Variants in ST8SIA2 observed in about 807,000 individuals in gnomAD.
The protein encoded by ST8SIA2 is ST8 alpha-N-acetyl-neuraminide alpha-2,8-sialyltransferase 2.
A neutral mutation model predicts 37.6 loss-of-function variants in ST8SIA2; 22 were observed. The observed-to-expected ratio is 0.58, with a 90% CI of 0.42 to 0.83. The LOEUF (loss-of-function observed/expected upper bound fraction) is 0.83. Among genes scored for constraint, ST8SIA2 ranks in the 40% least tolerant of loss-of-function variants. ST8SIA2 has a pLI of 0.00. For synonymous variants in ST8SIA2, 205 were observed against 201.2 expected (o/e 1.02, Z -0.16); for missense variants, 382 against 484.7 (o/e 0.79, Z 1.99).
At chr15:92,424,530 C>A (rs922458994) in intron 1 of ST8SIA2, among the ~76,000 whole-genome samples, 12 of 151,992 alleles carry the variant, frequency 7.9e-5, no homozygotes, top group Non-Finnish European at 1.6e-4. Context: ...TTTTAACATA[C>A]CATTTTTATT....
At chr15:92,454,945 G>A (rs1052115238) in intron 5 of ST8SIA2, among the ~76,000 whole-genome samples, 1 of 152,056 alleles carries the variant, frequency 6.6e-6, no homozygotes, top group Non-Finnish European at 1.5e-5. Context: ...CCTGGGTGCA[G>A]ACAAGGCCTG....
At chr15:92,435,315 G>T (rs965423463) in intron 3 of ST8SIA2, among the ~76,000 whole-genome samples, 1 of 152,190 alleles carries the variant, frequency 6.6e-6, no homozygotes, top group African/African-American at 2.4e-5. Context: ...GGAAAGGCTG[G>T]CCAGGAGCAG....
At chr15:92,427,375 T>G (rs911567690) in intron 1 of ST8SIA2, among the ~76,000 whole-genome samples, 1 of 151,956 alleles carries the variant, frequency 6.6e-6, no homozygotes, top group Non-Finnish European at 1.5e-5. Context: ...AAATATAATA[T>G]TACTCAAAAT....
At chr15:92,428,827 C>G (rs2049694856) in intron 1 of ST8SIA2, among the ~76,000 whole-genome samples, 1 of 152,100 alleles carries the variant, frequency 6.6e-6, no homozygotes, top group African/African-American at 2.4e-5. Context: ...GTCATAATAC[C>G]CTTTCTGTTG....
chr15:92,450,138 C>T (rs527933530), intron 5 of ST8SIA2, among the ~76,000 whole-genome samples: 1 of 152,252 alleles, frequency 6.6e-6, no homozygotes, highest in Admixed American at 6.5e-5. Context: ...ATTTGTGCAT[C>T]AAAGGACAAT....
intron 5 of ST8SIA2, among the ~76,000 whole-genome samples, chr15:92,449,158 C>T (rs573666784): frequency 3.9e-5 from 6 of 152,294 alleles, no homozygotes; most frequent in African/African-American, 1.4e-4. Flanking sequence ...AACCCTTTCC[C>T]CATTCCCTTC....
intron 5 of ST8SIA2, chr15:92,445,221 G>A (rs113366778): frequency 3.1e-5 from 16 of 513,392 alleles, no homozygotes; most frequent in Middle Eastern, 5.3e-4. Context: ...GGGAACAGAC[G>A]CCATGAACAT....
At chr15:92,450,665 A>G (rs965234298) in intron 5 of ST8SIA2, among the ~76,000 whole-genome samples, 1 of 152,236 alleles carries the variant, frequency 6.6e-6, no homozygotes, top group African/African-American at 2.4e-5. Flanking sequence ...GACAGTATCC[A>G]CCGCATGGTG....
chr15:92,417,145 G>A (rs1032206631), intron 1 of ST8SIA2, among the ~76,000 whole-genome samples: 5 of 152,156 alleles, frequency 3.3e-5, no homozygotes, highest in African/African-American at 1.2e-4. Context: ...TGACAGAGGA[G>A]GACATCAAAA....
intron 1 of ST8SIA2, among the ~76,000 whole-genome samples, chr15:92,404,219 T>C (rs2049491272): frequency 6.6e-6 from 1 of 152,186 alleles, no homozygotes; most frequent in African/African-American, 2.4e-5. Flanking sequence ...ATTCAGGACA[T>C]TGGGCCAGAC....
At chr15:92,417,134 T>C (rs969169701) in intron 1 of ST8SIA2, among the ~76,000 whole-genome samples, 65 of 152,266 alleles carry the variant, frequency 4.3e-4, no homozygotes, top group African/African-American at 1.5e-3. Context: ...GGAACCCCAA[T>C]TGACAGAGGA....
chr15:92,419,016 A>G (rs2049610609), intron 1 of ST8SIA2, among the ~76,000 whole-genome samples: 1 of 152,048 alleles, frequency 6.6e-6, no homozygotes, highest in Admixed American at 6.5e-5. Context: ...GGGGTGCCCA[A>G]GGGGACATTT....
At chr15:92,408,281 G>C (rs1327567503) in intron 1 of ST8SIA2, among the ~76,000 whole-genome samples, 1 of 151,740 alleles carries the variant, frequency 6.6e-6, no homozygotes, top group African/African-American at 2.4e-5. Flanking sequence ...AACACCACTA[G>C]ATTAGACCCT....
At chr15:92,410,188 A>G (rs2141809190) in intron 1 of ST8SIA2, among the ~76,000 whole-genome samples, 1 of 152,372 alleles carries the variant, frequency 6.6e-6, no homozygotes, top group Middle Eastern at 3.4e-3. Context: ...TTTCCTGTGC[A>G]GTGGAGTTCA....
intron 1 of ST8SIA2, among the ~76,000 whole-genome samples, chr15:92,419,918 T>C (rs1169712009): frequency 6.6e-6 from 1 of 152,188 alleles, no homozygotes; most frequent in Non-Finnish European, 1.5e-5. Context: ...CAGGCTGGAG[T>C]GCAGTGGCGC....
chr15:92,450,350 C>T (rs537736271), intron 5 of ST8SIA2, among the ~76,000 whole-genome samples: 2 of 152,338 alleles, frequency 1.3e-5, no homozygotes, highest in South Asian at 2.1e-4. Context: ...TGGCAAGATG[C>T]TCCGCTGATC....
At chr15:92,453,048 A>C (rs1235687260) in intron 5 of ST8SIA2, among the ~76,000 whole-genome samples, 3 of 151,912 alleles carry the variant, frequency 2.0e-5, no homozygotes, top group Admixed American at 2.0e-4. Flanking sequence ...GTGAGCAGAG[A>C]AAGGGGAGCA....
intron 1 of ST8SIA2, among the ~76,000 whole-genome samples, chr15:92,394,465 G>A (rs1233113314): frequency 2.0e-5 from 3 of 152,144 alleles, no homozygotes; most frequent in African/African-American, 7.2e-5. Flanking sequence ...CAAGCGCAGT[G>A]TCGCCGGGGT....
chr15:92,418,720 A>G (rs2141818398), intron 1 of ST8SIA2, among the ~76,000 whole-genome samples: 1 of 152,220 alleles, frequency 6.6e-6, no homozygotes, highest in African/African-American at 2.4e-5. Flanking sequence ...TATATATTCA[A>G]ACGGTATAGA....
Sources: gnomAD v4.1 joint callset for allele counts (sites outside exome capture counted in the v4.1 genomes callset) on GRCh38, gnomAD v4.1.1 for gene constraint, MANE v1.5 for transcripts, NCBI Gene and HGNC (gene_info 2026-07-23, HGNC 2026-07-21) for gene names.